The following TNRC6C variants were observed in gnomAD, a reference collection of about 807,000 sequenced individuals.
TNRC6C encodes trinucleotide repeat containing adaptor 6C.
Under a neutral mutation model 153.7 loss-of-function variants are expected in TNRC6C, and 20 were observed. That is an observed-to-expected ratio of 0.13 (90% CI 0.09 to 0.19). The LOEUF (loss-of-function observed/expected upper bound fraction) is 0.19. TNRC6C is among the 10% of genes least tolerant of loss of function. TNRC6C has a pLI of 1.00. For missense variants in TNRC6C, 1,987 were observed against 2,172.0 expected (o/e 0.91, Z 1.69); for synonymous variants, 811 against 841.4 (o/e 0.96, Z 0.63).
chr17:78,075,245 G>A lies in TNRC6C; in HGVS notation c.3027G>A (p.Glu1009=), dbSNP rs1319874324. ...GCTGCCGCCCGCCAATCTCCAAAGA[G>A]TCTTCCGTGGACCGCCCCACCTTTC... Residue 1009 remains glutamate (E), a synonymous_variant, in exon 8 of 20, where the codon GAG becomes GAA. Transcript: ENST00000301624. This position sits in a 1 kb window ranked among gnomAD's most constrained non-coding sequence, Gnocchi z 4.2. 3 of 1,602,346 alleles carry A rather than the reference G, an allele frequency of 1.9e-6. No individual in the cohort carries two copies. Among genetic ancestry groups the A allele is most frequent in the Non-Finnish European group, 2.6e-6 (3 of 1,174,302 alleles).
In TNRC6C at chr17:78,049,184, G is replaced by T. The variant is rs2072467986; in HGVS notation, c.122G>T (p.Gly41Val). Residue 41 changes from glycine to valine, a missense_variant, in exon 3 of 20, where the codon GGA (glycine) becomes GTA (valine). Gly to Val is a moderately radical substitution (Grantham distance 109). Around this residue, in one of 4 missense-constraint regions of TNRC6C, gnomAD observed 1,052 missense variants for 1,017.0 expected, o/e 1.03. Transcript: ENST00000301624. The surrounding 1 kb of genome is among the most constrained non-coding windows in gnomAD (Gnocchi z 4.1). The stretch of plus-strand genomic sequence containing the variant: ...AATCAGAGTGCCCTTGGAGCAGGGG[G>T]AGCGAACAGTAATGGAAGTGCGGCC... 1 of 1,613,256 alleles carries T rather than the reference G, an allele frequency of 6.2e-7. No individual in the cohort carries two copies.
At chr17:78,078,176 C>G (rs1168940475) in intron 9 of TNRC6C, among the ~76,000 whole-genome samples, 1 of 152,208 alleles carries the variant, frequency 6.6e-6, no homozygotes, top group Non-Finnish European at 1.5e-5. Flanking sequence ...ACATTGCCCC[C>G]TTGGTGGTGG....
intron 17 of TNRC6C, among the ~76,000 whole-genome samples, chr17:78,101,115 G>A (rs1014646322): frequency 7.9e-5 from 12 of 152,216 alleles, no homozygotes; most frequent in African/African-American, 2.9e-4. Context: ...CTTATAAAAC[G>A]GAATGCTTTT....
intron 1 of TNRC6C, among the ~76,000 whole-genome samples, chr17:78,027,302 G>C (rs997655403): frequency 4.6e-5 from 7 of 152,104 alleles, no homozygotes; most frequent in African/African-American, 1.7e-4. Flanking sequence ...GTCCAGGAGA[G>C]GTGATTGTTG....
chr17:78,017,252 A>G (rs1280970803), intron 1 of TNRC6C, among the ~76,000 whole-genome samples: 1 of 152,222 alleles, frequency 6.6e-6, no homozygotes, highest in Non-Finnish European at 1.5e-5. Flanking sequence ...TTTAAAGAAA[A>G]GACTGTGTTG....
chr17:78,003,371 T>C (rs537953385), upstream of TNRC6C, among the ~76,000 whole-genome samples: 9 of 151,994 alleles, frequency 5.9e-5, no homozygotes, highest in Non-Finnish European at 1.0e-4. Context: ...TGCAGAAAAC[T>C]TAGAAGATTT....
chr17:78,044,687 G>T (rs373894014), intron 2 of TNRC6C, among the ~76,000 whole-genome samples: 115 of 152,314 alleles, frequency 7.6e-4, no homozygotes, highest in African/African-American at 2.4e-3. Context: ...ATAAAGTTTT[G>T]TTGGCACACA....
At chr17:78,027,726 G>A (rs2071970176) in intron 1 of TNRC6C, among the ~76,000 whole-genome samples, 1 of 152,100 alleles carries the variant, frequency 6.6e-6, no homozygotes, top group Non-Finnish European at 1.5e-5. Context: ...AGGAAAATAT[G>A]CTGCCTGTGC....
chr17:77,960,621 C>T (rs1466971224), intron 1 of TNRC6C, among the ~76,000 whole-genome samples: 4 of 152,096 alleles, frequency 2.6e-5, no homozygotes, highest in African/African-American at 9.7e-5. Context: ...GGATTTCCTT[C>T]AGTACTGTAT....
intron 11 of TNRC6C, among the ~76,000 whole-genome samples, chr17:78,083,452 TC>T (rs1307129606): frequency 6.6e-6 from 1 of 152,244 alleles, no homozygotes; most frequent in East Asian, 1.9e-4. Flanking sequence ...TCCTCCCACC[TC>T]AGCCACCTGA....
intron 3 of TNRC6C, among the ~76,000 whole-genome samples, chr17:78,057,445 G>A (rs141755697): frequency 1.2e-4 from 18 of 152,358 alleles, no homozygotes; most frequent in African/African-American, 4.3e-4. Flanking sequence ...AGAGGTGACA[G>A]CATGCAGGAG....
At position 78,018,661 on chromosome 17, in the gene TNRC6C, A is replaced by C. The variant is rs547111310; in HGVS notation, c.-545-12855A>C. 9.2e-5 allele frequency among the ~76,000 whole-genome samples: 14 copies of C among 152,280 alleles called. 3 individuals carry two copies. Among genetic ancestry groups the C allele is most frequent in the African/African-American group, 3.4e-4 (14 of 41,540 alleles). On this transcript the variant is annotated intron_variant, in intron 1 of 19. Coordinates refer to ENST00000301624, the Ensembl canonical transcript of TNRC6C. ...CTGGTGAACCATGTATCTTACTTAC[A>C]CATCAAGTTTATTATTGATCCTTTT...
chr17:78,095,469 C>T (rs1002833455), intron 16 of TNRC6C, among the ~76,000 whole-genome samples: 5 of 152,212 alleles, frequency 3.3e-5, no homozygotes, highest in Admixed American at 6.5e-5. Context: ...ACCTGCCAAC[C>T]GGGGTGACTT....
At chr17:78,057,331 C>T (rs1378912542) in intron 3 of TNRC6C, among the ~76,000 whole-genome samples, 2 of 152,184 alleles carry the variant, frequency 1.3e-5, no homozygotes, top group Non-Finnish European at 2.9e-5. Context: ...AGTTCATCAC[C>T]CTTAAGAATT....
chr17:78,058,344 A>G (rs1193529829), intron 3 of TNRC6C, among the ~76,000 whole-genome samples: 5 of 152,236 alleles, frequency 3.3e-5, no homozygotes, highest in Non-Finnish European at 7.3e-5. Context: ...GCATACTCAG[A>G]CATAATATTC....
At position 78,103,571 on chromosome 17, in the gene TNRC6C, C is replaced by A; in HGVS notation, c.4712+18C>A. The A allele has an allele frequency of 6.2e-7, 1 of 1,613,642 alleles. No homozygotes were observed. The highest frequency in any genetic ancestry group is 8.5e-7 in the Non-Finnish European group (1 of 1,179,784). ...CTGCACATGTATGTTTTCTCACAGCCACCTCAGCGCTCCAAGTAGCTCCCC... is the reference window on the plus strand; with the variant it reads ...CTGCACATGTATGTTTTCTCACAGCAACCTCAGCGCTCCAAGTAGCTCCCC... On this transcript the variant is annotated intron_variant, in intron 19 of 19. Transcript: ENST00000301624.
At chr17:78,018,005 A>G (rs1228951920) in intron 1 of TNRC6C, among the ~76,000 whole-genome samples, 1 of 152,198 alleles carries the variant, frequency 6.6e-6, no homozygotes, top group Non-Finnish European at 1.5e-5. Context: ...TGCTTACAAC[A>G]ATGTGTAATT....
At chr17:78,074,623 A>T (rs1014544073) in intron 7 of TNRC6C, among the ~76,000 whole-genome samples, 2 of 152,240 alleles carry the variant, frequency 1.3e-5, no homozygotes. Context: ...ACAGTATTGT[A>T]TCCCCCACAT....
intron 3 of TNRC6C, among the ~76,000 whole-genome samples, chr17:78,060,515 C>T (rs1347611844): frequency 6.7e-6 from 1 of 148,328 alleles, no homozygotes; most frequent in Non-Finnish European, 1.5e-5. Context: ...CTCTGTCGCC[C>T]AGGCTGGAGT....
Sources: allele counts gnomAD v4.1 joint callset (sites outside exome capture counted in the v4.1 genomes callset), GRCh38; gene constraint gnomAD v4.1.1; regional missense constraint gnomAD v4.1.1; non-coding constraint Gnocchi (gnomAD v3.1); transcripts MANE v1.5; gene names NCBI Gene and HGNC (gene_info 2026-07-23, HGNC 2026-07-21).